The following KIF15 variants were observed in gnomAD, a reference collection of about 807,000 sequenced individuals.
KIF15 encodes the protein kinesin family member 15.
In KIF15, 140 loss-of-function variants were observed where a neutral mutation model predicts 190.6. That is an observed-to-expected ratio of 0.73 (90% CI 0.64 to 0.84). The LOEUF is 0.84. Ranked by LOEUF, KIF15 falls within the 40% of genes least tolerant of loss-of-function variation. KIF15 has a pLI of 0.00. For missense variants in KIF15, 1,372 were observed against 1,584.4 expected, an observed-to-expected ratio of 0.87 and a Z score of 2.28; for synonymous variants, 528 against 551.3, an observed-to-expected ratio of 0.96 and a Z score of 0.59.
At chr3:44,867,364 T>A (rs1699332693) in intron 6 of KIF15, among the ~76,000 whole-genome samples, 2 of 151,518 alleles carry the variant, frequency 1.3e-5, no homozygotes, top group African/African-American at 4.9e-5. Flanking sequence ...TGATCTAGTC[T>A]GACCCCACCA....
At chr3:44,864,447 G>A (rs2125740227) in intron 6 of KIF15, 1 of 1,458,998 alleles carries the variant, frequency 6.9e-7, no homozygotes, top group Non-Finnish European at 9.4e-7. Flanking sequence ...GACAGGAACT[G>A]AAGCAGAGGT....
chr3:44,830,853 AG>A, intron 25 of KIF15, 42 bp from the exon 26 acceptor site: 1 of 1,585,006 alleles, frequency 6.3e-7, no homozygotes, highest in Non-Finnish European at 8.6e-7. Context: ...ATCTAGAAAC[AG>A]GAAATAAAAT....
chr3:44,865,075 G>A (rs376440839), intron 6 of KIF15: 1 of 1,614,062 alleles, frequency 6.2e-7, no homozygotes, highest in African/African-American at 1.3e-5. Context: ...GAGAGTGCCA[G>A]GAGGTCTTGT....
At chr3:44,824,853 G>A (rs927287862) in intron 20 of KIF15, among the ~76,000 whole-genome samples, 13 of 152,216 alleles carry the variant, frequency 8.5e-5, no homozygotes, top group Middle Eastern at 3.4e-3. Context: ...TCAATATCCC[G>A]GGCTCAAGCT....
At chr3:44,846,689 G>A (rs1208945060) in intron 30 of KIF15, among the ~76,000 whole-genome samples, 4 of 150,258 alleles carry the variant, frequency 2.7e-5, no homozygotes, top group East Asian at 2.0e-4. Flanking sequence ...CAGGAGAATC[G>A]CTTGAACCGG....
downstream of KIF15, among the ~76,000 whole-genome samples, chr3:44,854,453 T>C (rs1398344968): frequency 6.6e-6 from 1 of 151,722 alleles, no homozygotes; most frequent in Admixed American, 6.6e-5. Context: ...AATGCATAGT[T>C]GAACTCTCAA....
intron 29 of KIF15, among the ~76,000 whole-genome samples, chr3:44,842,601 C>T (rs999320483): frequency 2.6e-5 from 4 of 152,140 alleles, no homozygotes; most frequent in Non-Finnish European, 4.4e-5. Flanking sequence ...ATCCAGATTG[C>T]CATGATCTTG....
rs779953333 is a variant in KIF15 at position 44,812,288 on chromosome 3, A to T, written c.2276A>T (p.Glu759Val). ...KLEHHSTQMQ[E>V]LFSSERIDWT... ...GAACATCATTCTACCCAAATGCAGG[A>T]GGTGAGACCAAGAGCACAGCCTCAG... The change falls in exon 18 of 35, where the codon GAG becomes GTG. Residue 759 changes from glutamate to valine, a missense_variant and splice_region_variant. Transcript: ENST00000326047. The T allele has an allele frequency of 6.2e-7, 1 of 1,609,406 alleles. No homozygotes were observed. Among genetic ancestry groups the T allele is most frequent in the Admixed American group, 1.7e-5 (1 of 59,890 alleles).
At chr3:44,775,465 T>C in intron 3 of KIF15, 28 bp downstream of exon 3, 1 of 1,554,644 alleles carries the variant, frequency 6.4e-7, no homozygotes, top group East Asian at 2.3e-5. Flanking sequence ...CTTAACTTTT[T>C]TTTTTTTTTG....
At chr3:44,803,594 G>A (rs1384257470) in intron 14 of KIF15, among the ~76,000 whole-genome samples, 1 of 152,212 alleles carries the variant, frequency 6.6e-6, no homozygotes, top group Non-Finnish European at 1.5e-5. Context: ...TGGTAACAAA[G>A]TCTGTGTTTG....
At chr3:44,846,505 G>T (rs913328612) in intron 30 of KIF15, among the ~76,000 whole-genome samples, 2 of 151,992 alleles carry the variant, frequency 1.3e-5, no homozygotes, top group Non-Finnish European at 2.9e-5. Flanking sequence ...GGGTGTCGTG[G>T]CTCACGCCTG....
In KIF15 at chr3:44,830,005, A is replaced by C. The variant is rs1697985775; in HGVS notation, c.2978A>C (p.Glu993Ala). The change falls in exon 25 of 35, where the codon GAG becomes GCG. Residue 993 changes from glutamate to alanine, a missense_variant. Glu to Ala is a moderately radical substitution (Grantham distance 107, BLOSUM62 -1). Transcript: ENST00000326047. ...GCTGACCTCATGAACCAGATCCAGG[A>C]GCTAAGAACATCGGTCTGTGAGAAA... Reference protein sequence around the residue: ...VVADLMNQIQELRTSVCEKTE... With the variant: ...VVADLMNQIQALRTSVCEKTE... 1.3e-6 allele frequency: 2 copies of C among 1,597,940 alleles called. No individual in the cohort carries two copies. Among genetic ancestry groups the C allele is most frequent in the African/African-American group, 2.7e-5 (2 of 74,008 alleles).
intron 1 of KIF15, among the ~76,000 whole-genome samples, chr3:44,770,325 T>C (rs981842082): frequency 6.6e-6 from 1 of 152,154 alleles, no homozygotes; most frequent in Non-Finnish European, 1.5e-5. Context: ...GGCTTTTAGA[T>C]TGGCTTTGAT....
At chr3:44,782,244 T>TG (rs756217871) in intron 5 of KIF15, among the ~76,000 whole-genome samples, 35 of 151,886 alleles carry the variant, frequency 2.3e-4, no homozygotes, top group Admixed American at 4.6e-4. Flanking sequence ...AGAGACGGGG[T>TG]GGGGGGCGCG....
rs1575657816 is a variant in KIF15, at chr3:44,828,254, C to G, written c.2897C>G (p.Thr966Ser). Residue 966 changes from threonine (T) to serine (S), a missense_variant, in exon 24 of 35, where the codon ACT becomes AGT. Thr to Ser is a moderately conservative substitution (Grantham distance 58). Transcript: ENST00000326047. ...VQKLEESLLA[T>S]EKVISSLEKS... is the part of the protein sequence containing the mutation. ...AAACTAGAAGAGAGCTTGCTTGCTACTGAAAAAGTGATCAGTTCCCTGGAA... is the reference window on the plus strand; with the variant it reads ...AAACTAGAAGAGAGCTTGCTTGCTAGTGAAAAAGTGATCAGTTCCCTGGAA... The G allele has an allele frequency of 1.3e-5, 21 of 1,613,690 alleles. No individual in the cohort carries two copies. Among genetic ancestry groups the G allele is most frequent in the Non-Finnish European group, 1.8e-5 (21 of 1,179,686 alleles).
intron 34 of KIF15, 84 bp from the exon 35 acceptor site, chr3:44,852,589 C>G: frequency 1.0e-6 from 1 of 998,890 alleles, no homozygotes; most frequent in Non-Finnish European, 1.5e-6. Flanking sequence ...TTGAAATATA[C>G]ACCTAATAAA....
At chr3:44,792,473 T>TA (rs928271566) in intron 7 of KIF15, among the ~76,000 whole-genome samples, 88 of 150,834 alleles carry the variant, frequency 5.8e-4, no homozygotes, top group African/African-American at 2.0e-3. Context: ...GACTCTGTCT[T>TA]AAAAAAAAGA....
chr3:44,854,230 C>G (rs1699155823), downstream of KIF15, among the ~76,000 whole-genome samples: 1 of 151,824 alleles, frequency 6.6e-6, no homozygotes, highest in Admixed American at 6.6e-5. Flanking sequence ...ACTAAAAATA[C>G]AAAAATTAGC....
intron 4 of KIF15, 144 bp from the exon 5 acceptor site, chr3:44,780,741 A>G (rs563223274): frequency 3.7e-6 from 2 of 534,710 alleles, no homozygotes; most frequent in African/African-American, 2.0e-5. Context: ...GAGGCAGATC[A>G]TTCACTTTTT....
Sources: gnomAD v4.1 joint callset for allele counts (sites outside exome capture counted in the v4.1 genomes callset) on GRCh38, gnomAD v4.1.1 for gene constraint, MANE v1.5 for transcripts, NCBI Gene and HGNC (gene_info 2026-07-23, HGNC 2026-07-21) for gene names.